LMBR1: variants seen among roughly 807,000 people sequenced by gnomAD.
The protein encoded by LMBR1 is limb development membrane protein 1, also known as limb region 1 protein homolog.
In LMBR1, 52 loss-of-function variants were observed where a neutral mutation model predicts 73.9. That is an observed-to-expected ratio of 0.70 (90% CI 0.56 to 0.89). The LOEUF (loss-of-function observed/expected upper bound fraction) is 0.89, where lower values mean the gene tolerates loss of function less well. LMBR1 is among the 40% of genes least tolerant of loss of function. The pLI is 0.00. For missense variants in LMBR1, 539 were observed against 579.8 expected (o/e 0.93, Z 0.72); for synonymous variants, 215 against 209.4 (o/e 1.03, Z -0.23).
intron 3 of LMBR1, 48 bp downstream of exon 3, chr7:156,833,705 G>T: frequency 2.9e-6 from 4 of 1,393,186 alleles, no homozygotes; most frequent in South Asian, 1.2e-5. Flanking sequence ...TTTGAGAATT[G>T]ATGACTTCAG....
chr7:156,870,686 A>C (rs1242947192), intron 1 of LMBR1, among the ~76,000 whole-genome samples: 1 of 151,638 alleles, frequency 6.6e-6, no homozygotes, highest in Non-Finnish European at 1.5e-5. Flanking sequence ...ACTGGTGTGA[A>C]CCCAGGAGGC....
Position 156,826,601 on chromosome 7 carries a change from T to C in LMBR1, c.319+4A>G. The C allele has an allele frequency of 6.6e-7, 1 of 1,526,454 alleles. No individual in the cohort carries two copies. Among genetic ancestry groups the C allele is most frequent in the South Asian group, 1.2e-5 (1 of 80,802 alleles). The allele number at this position is 1,526,454 out of a possible 1,614,324, so 94.6% of individuals were successfully genotyped here. A position where few individuals can be genotyped will look rare whatever the true frequency, so the allele number is the denominator to read the frequency against. On this transcript the variant is annotated splice_donor_region_variant and intron_variant, in intron 4 of 16. Transcript: ENST00000353442. Reference sequence around the variant, plus strand: ...TGTGATTATATTAAGCAATATATACTAACCATGAATCAGGGAGCCATTTAG... The same window carrying C: ...TGTGATTATATTAAGCAATATATACCAACCATGAATCAGGGAGCCATTTAG...
At position 156,680,985 on chromosome 7, in the gene LMBR1, C is replaced by A; in HGVS notation, c.*3093G>T. ...ATTTGTAAACAAAACAATCTGTAAACAAAAATCAATTACTAGTGTGTCCAA... is the reference window on the plus strand; with the variant it reads ...ATTTGTAAACAAAACAATCTGTAAAAAAAAATCAATTACTAGTGTGTCCAA... On this transcript the variant is annotated 3_prime_UTR_variant, in exon 17 of 17. Coordinates refer to ENST00000353442, the MANE Select transcript of LMBR1 (RefSeq NM_022458.4). The A allele has an allele frequency of 9.9e-6, 3 of 302,724 alleles. No individual in the cohort carries two copies. The highest frequency in any genetic ancestry group is 2.8e-5 in the South Asian group (1 of 36,032). The allele number at this position is 302,724 out of a possible 1,614,324, so 18.8% of individuals were successfully genotyped here.
chr7:156,809,347 T>G (rs945120974), intron 4 of LMBR1, among the ~76,000 whole-genome samples: 1 of 152,218 alleles, frequency 6.6e-6, no homozygotes, highest in Non-Finnish European at 1.5e-5. Flanking sequence ...GGATTTTTCT[T>G]TTAGTACAAT....
intron 1 of LMBR1, among the ~76,000 whole-genome samples, chr7:156,848,598 C>A (rs1318607581): frequency 6.6e-6 from 1 of 152,112 alleles, no homozygotes; most frequent in African/African-American, 2.4e-5. Flanking sequence ...TTAGTTCAGT[C>A]ACTGTGGAAA....
chr7:156,690,214 T>G (rs926338111), intron 15 of LMBR1, among the ~76,000 whole-genome samples: 3 of 152,236 alleles, frequency 2.0e-5, no homozygotes, highest in African/African-American at 7.2e-5. Context: ...TATATGTGTA[T>G]TTAATTATTT....
intron 15 of LMBR1, among the ~76,000 whole-genome samples, chr7:156,719,735 G>A (rs992507146): frequency 6.6e-6 from 1 of 152,014 alleles, no homozygotes; most frequent in African/African-American, 2.4e-5. Flanking sequence ...AAAACAGCAT[G>A]GTACTGGTAC....
intron 1 of LMBR1, among the ~76,000 whole-genome samples, chr7:156,882,537 T>C (rs763264194): frequency 6.6e-6 from 1 of 152,178 alleles, no homozygotes; most frequent in Non-Finnish European, 1.5e-5. Context: ...TACTGCATGA[T>C]CCCACTTATA....
intron 1 of LMBR1, among the ~76,000 whole-genome samples, chr7:156,862,176 CA>C: frequency 1.3e-5 from 2 of 152,296 alleles, no homozygotes; most frequent in Middle Eastern, 3.4e-3. Context: ...GGAGAGGCCT[CA>C]CAATCATGGT....
At chr7:156,707,799 C>T (rs1811272763) in intron 15 of LMBR1, among the ~76,000 whole-genome samples, 1 of 152,030 alleles carries the variant, frequency 6.6e-6, no homozygotes, top group African/African-American at 2.4e-5. Flanking sequence ...CAATTTTCAC[C>T]ACTCCTATTC....
chr7:156,768,370 A>G (rs1213396037), intron 5 of LMBR1, among the ~76,000 whole-genome samples: 1 of 152,198 alleles, frequency 6.6e-6, no homozygotes, highest in Non-Finnish European at 1.5e-5. Flanking sequence ...AAAAAAAAAC[A>G]AAAAAGTAAA....
At chr7:156,860,871 G>A (rs1797623587) in intron 1 of LMBR1, among the ~76,000 whole-genome samples, 1 of 152,244 alleles carries the variant, frequency 6.6e-6, no homozygotes, top group Admixed American at 6.5e-5. Flanking sequence ...GATGCAAAAG[G>A]TGGGCTCCTA....
chr7:156,864,085 T>C (rs1481030868), intron 1 of LMBR1, among the ~76,000 whole-genome samples: 2 of 151,990 alleles, frequency 1.3e-5, no homozygotes, highest in Non-Finnish European at 2.9e-5. Context: ...ACCTGGGAAG[T>C]GGAGGTTGCA....
At chr7:156,733,236 A>G (rs918583528) in intron 10 of LMBR1, among the ~76,000 whole-genome samples, 3 of 152,160 alleles carry the variant, frequency 2.0e-5, no homozygotes, top group East Asian at 3.8e-4. Flanking sequence ...AATTCAAAAT[A>G]CCTATTTTCT....
intron 15 of LMBR1, among the ~76,000 whole-genome samples, chr7:156,707,217 A>T (rs540196311): frequency 3.3e-5 from 5 of 152,140 alleles, no homozygotes; most frequent in Non-Finnish European, 5.9e-5. Flanking sequence ...CAGGCCAATG[A>T]TGAGTAGCAA....
At chr7:156,763,027 C>A (rs1485587833) in intron 7 of LMBR1, 81 bp downstream of exon 7, 6 of 722,828 alleles carry the variant, frequency 8.3e-6, no homozygotes, top group Admixed American at 5.6e-5. Context: ...GTTAAGAAAT[C>A]TCATCAGAAA....
intron 14 of LMBR1, among the ~76,000 whole-genome samples, chr7:156,725,071 T>C (rs190193717): frequency 6.6e-6 from 1 of 152,338 alleles, no homozygotes; most frequent in Non-Finnish European, 1.5e-5. Context: ...TTGTCCCTAC[T>C]ACTTGTAGCA....
chr7:156,795,489 T>C (rs1229259240), intron 5 of LMBR1, among the ~76,000 whole-genome samples: 1 of 152,188 alleles, frequency 6.6e-6, no homozygotes, highest in African/African-American at 2.4e-5. Flanking sequence ...TGAATATCCA[T>C]CAAAAGTTAT....
intron 4 of LMBR1, among the ~76,000 whole-genome samples, chr7:156,802,358 A>G (rs1412464027): frequency 6.6e-6 from 1 of 152,242 alleles, no homozygotes; most frequent in Non-Finnish European, 1.5e-5. Context: ...TCCATGAGGC[A>G]TGAATATATT....
Sources: gnomAD v4.1 joint callset for allele counts (sites outside exome capture counted in the v4.1 genomes callset) on GRCh38, gnomAD v4.1.1 for gene constraint, MANE v1.5 for transcripts, NCBI Gene and HGNC (gene_info 2026-07-23, HGNC 2026-07-21) for gene names.